The following CDK6 variants were observed in gnomAD, a reference collection of about 807,000 sequenced individuals.
CDK6 encodes the protein cyclin dependent kinase 6.
Under a neutral mutation model 37.1 loss-of-function variants are expected in CDK6, and 6 were observed. The observed-to-expected ratio is 0.16, with a 90% CI of 0.09 to 0.32. CDK6 has a LOEUF of 0.32. Ranked by LOEUF, CDK6 falls within the 10% of genes least tolerant of loss-of-function variation. The probability of loss-of-function intolerance (pLI) is 1.00; values close to 1 mark genes in which losing one functional copy is unlikely to be tolerated. For missense variants in CDK6, 224 were observed against 418.9 expected (o/e 0.53, Z 4.06); for synonymous variants, 160 against 161.3 (o/e 0.99, Z 0.06).
chr7:92,733,357 C>T (rs1359498540), intron 3 of CDK6, among the ~76,000 whole-genome samples: 1 of 152,208 alleles, frequency 6.6e-6, no homozygotes, highest in Non-Finnish European at 1.5e-5. Context: ...CGTCTTCCTG[C>T]AGGACTCCAA....
intron 2 of CDK6, among the ~76,000 whole-genome samples, chr7:92,822,629 A>C (rs914733917): frequency 1.3e-5 from 2 of 152,118 alleles, no homozygotes; most frequent in African/African-American, 4.8e-5. Flanking sequence ...CCTATATTCT[A>C]ATGGGAAGCT....
At chr7:92,702,030 T>C (rs1185483851) in intron 4 of CDK6, among the ~76,000 whole-genome samples, 1 of 152,138 alleles carries the variant, frequency 6.6e-6, no homozygotes, top group African/African-American at 2.4e-5. Context: ...TATCAACAGC[T>C]GTGATGCAGA....
chr7:92,671,317 C>T lies in CDK6; in HGVS notation c.647+109G>A, dbSNP rs1797067143. ...AAGTGGTAGCCTGGGGTAGATGGATCTGGCCATCATGACCCCTAATGATAG... is the reference window on the plus strand; with the variant it reads ...AAGTGGTAGCCTGGGGTAGATGGATTTGGCCATCATGACCCCTAATGATAG... On this transcript the variant is annotated intron_variant, in intron 5 of 7. Coordinates refer to ENST00000424848, the MANE Select transcript of CDK6 (RefSeq NM_001145306.2). The T allele has an allele frequency of 6.5e-6, 4 of 619,908 alleles. No individual in the cohort carries two copies. In the Admixed American group the frequency reaches 1.3e-4, roughly 21 times the overall value. The allele number at this position is 619,908 out of a possible 1,614,324, so 38.4% of individuals were successfully genotyped here.
intron 4 of CDK6, among the ~76,000 whole-genome samples, chr7:92,711,740 T>C (rs2116681704): frequency 6.6e-6 from 1 of 151,266 alleles, no homozygotes; most frequent in South Asian, 2.1e-4. Flanking sequence ...GCTAATTTTT[T>C]TATTTTTTGT....
chr7:92,802,185 A>G (rs941030927), intron 2 of CDK6, among the ~76,000 whole-genome samples: 7 of 151,552 alleles, frequency 4.6e-5, no homozygotes, highest in African/African-American at 1.7e-4. Flanking sequence ...TCCATCCAGA[A>G]CTCTGCCAGT....
intron 5 of CDK6, among the ~76,000 whole-genome samples, chr7:92,658,500 C>T (rs559626193): frequency 2.6e-5 from 4 of 152,216 alleles, no homozygotes; most frequent in East Asian, 1.9e-4. Context: ...AGAAGAGTAT[C>T]GGGTAAGCCC....
chr7:92,734,568 G>A (rs1017640770), intron 3 of CDK6, among the ~76,000 whole-genome samples: 2 of 152,126 alleles, frequency 1.3e-5, no homozygotes, highest in African/African-American at 4.8e-5. Context: ...GTACTAATGG[G>A]TGTCAATAAA....
intron 4 of CDK6, among the ~76,000 whole-genome samples, chr7:92,681,009 A>G (rs1461233937): frequency 2.0e-5 from 3 of 152,206 alleles, no homozygotes; most frequent in Admixed American, 2.0e-4. Flanking sequence ...GGTGCTCAGT[A>G]ATTATCTGAT....
intron 5 of CDK6, among the ~76,000 whole-genome samples, chr7:92,665,084 C>T (rs918206842): frequency 5.9e-5 from 9 of 152,076 alleles, no homozygotes; most frequent in South Asian, 2.1e-4. Context: ...CACGCCTGGC[C>T]GCATGTTTTA....
rs187476072 is a variant in CDK6, at chr7:92,769,227, T to C, written c.369+5469A>G. Among the ~76,000 whole-genome samples, 5 of 152,296 alleles carry C rather than the reference T, an allele frequency of 3.3e-5. No individual in the cohort carries two copies. The East Asian group carries it at 9.6e-4, about 29-fold the overall frequency. ...AACCAATAGAAAACTCTAAGAAACA[T>C]TCAATTGAAGATAAAATGAAATCTA... is the stretch of plus-strand genomic sequence containing the variant. On this transcript the variant is annotated intron_variant, in intron 3 of 7. Transcript: ENST00000424848.
chr7:92,816,579 C>T (rs1311018442), intron 2 of CDK6, among the ~76,000 whole-genome samples: 1 of 151,658 alleles, frequency 6.6e-6, no homozygotes, highest in African/African-American at 2.4e-5. Context: ...TTAAAATAAC[C>T]CAAATTGAAT....
rs143593111 is a variant in CDK6, at chr7:92,753,721, C to T, written c.369+20975G>A. ...CTAAGAGGGCCAACTAAAACTGGTGCCTCAAGTTTCCTGCCTGACATCATG... is the reference window on the plus strand; with the variant it reads ...CTAAGAGGGCCAACTAAAACTGGTGTCTCAAGTTTCCTGCCTGACATCATG... On this transcript the variant is annotated intron_variant, in intron 3 of 7. Transcript: ENST00000424848. Among the ~76,000 whole-genome samples, 15 of 152,256 alleles carry T rather than the reference C, an allele frequency of 9.9e-5. No homozygotes were observed. The East Asian group carries it at 2.9e-3, about 29-fold the overall frequency.
intron 5 of CDK6, among the ~76,000 whole-genome samples, chr7:92,670,766 C>T (rs1020544292): frequency 4.6e-5 from 7 of 152,228 alleles, no homozygotes; most frequent in Admixed American, 4.6e-4. Flanking sequence ...TTCTTAGACA[C>T]ACAATGAAAA....
intron 4 of CDK6, among the ~76,000 whole-genome samples, chr7:92,699,078 A>T (rs1797784644): frequency 6.6e-6 from 1 of 152,218 alleles, no homozygotes; most frequent in Non-Finnish European, 1.5e-5. Context: ...TTATTTTTGC[A>T]TTTAAAATAG....
At position 92,731,659 on chromosome 7, in the gene CDK6, A is replaced by G. The variant is rs549361394; in HGVS notation, c.370-5866T>C. On this transcript the variant is annotated intron_variant, in intron 3 of 7. Transcript: ENST00000424848. ...TGTAAATTTTAATAATCAAATATGT[A>G]TTCTGAAATGAGAACAGAACCCACT... 5.3e-5 allele frequency among the ~76,000 whole-genome samples: 8 copies of G among 152,288 alleles called. No homozygotes were observed. The South Asian group carries it at 1.4e-3, about 28-fold the overall frequency.
intron 2 of CDK6, among the ~76,000 whole-genome samples, chr7:92,814,967 A>G (rs910170838): frequency 2.0e-4 from 31 of 152,238 alleles, no homozygotes; most frequent in Non-Finnish European, 4.4e-4. Context: ...AATATCAGTG[A>G]CATGCTCAAA....
intron 2 of CDK6, among the ~76,000 whole-genome samples, chr7:92,831,744 A>T (rs775721439): frequency 6.6e-6 from 1 of 152,176 alleles, no homozygotes; most frequent in Non-Finnish European, 1.5e-5. Flanking sequence ...TGATTCTTTG[A>T]TGCCTTCTAG....
intron 3 of CDK6, among the ~76,000 whole-genome samples, chr7:92,746,549 G>C (rs1400534523): frequency 6.6e-6 from 1 of 152,064 alleles, no homozygotes; most frequent in Non-Finnish European, 1.5e-5. Flanking sequence ...ATAATTTTGT[G>C]TTTAGACTTG....
At chr7:92,696,487 T>A (rs952227527) in intron 4 of CDK6, among the ~76,000 whole-genome samples, 1 of 152,208 alleles carries the variant, frequency 6.6e-6, no homozygotes, top group African/African-American at 2.4e-5. Flanking sequence ...TGTATTTTTT[T>A]AATAGTCTTT....
Sources: allele counts gnomAD v4.1 joint callset (sites outside exome capture counted in the v4.1 genomes callset), GRCh38; gene constraint gnomAD v4.1.1; transcripts MANE v1.5; gene names NCBI Gene and HGNC (gene_info 2026-07-23, HGNC 2026-07-21).